ZNF609: variants seen among roughly 807,000 people sequenced by gnomAD.
ZNF609 encodes zinc finger protein 609.
A neutral mutation model predicts 109.5 loss-of-function variants in ZNF609; 11 were observed. The ratio of observed to expected loss-of-function variants is 0.10; its 90% CI spans 0.06 to 0.17. The LOEUF (loss-of-function observed/expected upper bound fraction) is 0.17. Ranked by LOEUF, ZNF609 falls within the 10% of genes least tolerant of loss-of-function variation. The probability of loss-of-function intolerance (pLI) is 1.00; values close to 1 mark genes in which losing one functional copy is unlikely to be tolerated. For missense variants in ZNF609, 1,559 were observed against 1,772.4 expected, an observed-to-expected ratio of 0.88 and a Z score of 2.16; for synonymous variants, 646 against 662.0, an observed-to-expected ratio of 0.98 and a Z score of 0.37.
intron 2 of ZNF609, chr15:64,502,434 G>T (rs1285726870): frequency 6.6e-6 from 1 of 152,110 alleles, no homozygotes; most frequent in Non-Finnish European, 1.5e-5. Flanking sequence ...GCAGAGGAGC[G>T]GTTTTTGAGA....
chr15:64,472,662 C>A (rs768955587), intron 1 of ZNF609, among the ~76,000 whole-genome samples: 8 of 152,046 alleles, frequency 5.3e-5, no homozygotes, highest in African/African-American at 1.9e-4. Flanking sequence ...CCCAGGAGTT[C>A]AAGGCCAACC....
Position 64,680,734 on chromosome 15 carries a change from G to A in ZNF609, c.4034G>A (p.Ser1345Asn). Residue 1345 changes from serine (S) to asparagine (N), a missense_variant, in exon 8 of 10, where the codon AGT (serine) becomes AAT (asparagine). Ser to Asn is a conservative substitution (Grantham distance 46, BLOSUM62 1). Coordinates refer to ENST00000326648, the MANE Select transcript of ZNF609 (RefSeq NM_015042.2). Reference protein sequence around the residue: ...GGSCSSVGGASGGERSVDRPR... With the variant: ...GGSCSSVGGANGGERSVDRPR... ...AGCTGTAGCAGCGTCGGGGGAGCAA[G>A]TGGGGGTGAACGGAGTGTTGACCGG... is the stretch of plus-strand genomic sequence containing the variant. 1.2e-6 allele frequency: 2 copies of A among 1,613,556 alleles called. No individual in the cohort carries two copies. The highest frequency in any genetic ancestry group is 1.7e-6 in the Non-Finnish European group (2 of 1,179,988).
At chr15:64,582,182 T>G (rs1430537486) in intron 2 of ZNF609, among the ~76,000 whole-genome samples, 1 of 152,202 alleles carries the variant, frequency 6.6e-6, no homozygotes, top group Non-Finnish European at 1.5e-5. Context: ...ATAGCCTTAC[T>G]CCTTCATTTA....
chr15:64,635,329 C>A (rs1896157630), intron 3 of ZNF609, among the ~76,000 whole-genome samples: 1 of 152,172 alleles, frequency 6.6e-6, no homozygotes, highest in African/African-American at 2.4e-5. Flanking sequence ...AAATATCTTA[C>A]TGGTATTGCC....
intron 2 of ZNF609, among the ~76,000 whole-genome samples, chr15:64,532,113 G>A (rs1894071669): frequency 6.6e-6 from 1 of 151,996 alleles, no homozygotes; most frequent in Non-Finnish European, 1.5e-5. Flanking sequence ...CTTGCCTTAG[G>A]TCTCTTACAT....
intron 2 of ZNF609, among the ~76,000 whole-genome samples, chr15:64,536,735 A>AC (rs1567008026): frequency 2.3e-5 from 3 of 131,592 alleles, no homozygotes; most frequent in African/African-American, 8.8e-5. Context: ...CCCCCCCCCC[A>AC]AAAAAAAAAT....
intron 2 of ZNF609, among the ~76,000 whole-genome samples, chr15:64,593,565 C>T (rs1014159808): frequency 5.3e-5 from 8 of 152,248 alleles, no homozygotes; most frequent in African/African-American, 1.7e-4. Flanking sequence ...CTTGTTCTCT[C>T]GCCCAGGCTG....
At chr15:64,507,761 G>A (rs559242510) in intron 2 of ZNF609, among the ~76,000 whole-genome samples, 1 of 152,300 alleles carries the variant, frequency 6.6e-6, no homozygotes, top group Non-Finnish European at 1.5e-5. Flanking sequence ...AAGCTGTGGA[G>A]GAGGACCATT....
At chr15:64,613,527 A>C (rs1209369832) in intron 2 of ZNF609, among the ~76,000 whole-genome samples, 1 of 152,170 alleles carries the variant, frequency 6.6e-6, no homozygotes, top group African/African-American at 2.4e-5. Flanking sequence ...TTTTCAGAAT[A>C]AGCAAAAATC....
intron 2 of ZNF609, among the ~76,000 whole-genome samples, chr15:64,525,922 G>A (rs968705439): frequency 6.6e-6 from 1 of 151,664 alleles, no homozygotes; most frequent in East Asian, 1.9e-4. Flanking sequence ...CCAAATAACT[G>A]GGACTACAGG....
chr15:64,486,048 A>G (rs559335417), intron 1 of ZNF609, among the ~76,000 whole-genome samples: 1 of 152,210 alleles, frequency 6.6e-6, no homozygotes, highest in Non-Finnish European at 1.5e-5. Context: ...CCATCACCAC[A>G]AATGTCCCTC....
chr15:64,681,395 ACTTTTATTAATTTGGGGCAACACATAAAG>A lies in ZNF609; in HGVS notation c.*5+10_*5+38del, dbSNP rs775687999. 1.2e-6 allele frequency: 2 copies of A among 1,612,274 alleles called. No individual in the cohort carries two copies. The highest frequency in any genetic ancestry group is 1.7e-6 in the Non-Finnish European group (2 of 1,178,554). On this transcript the variant is annotated intron_variant, in intron 9 of 9. Coordinates refer to ENST00000326648, the MANE Select transcript of ZNF609 (RefSeq NM_015042.2). Reference sequence around the variant, plus strand: ...CCCCAGGAGGTGAGAATGGTAAGTCACTTTTATTAATTTGGGGCAACACATAAAGCCGGGATAGTTGCTACCTGGATCAC... The same window carrying A: ...CCCCAGGAGGTGAGAATGGTAAGTCACCGGGATAGTTGCTACCTGGATCAC...
At chr15:64,479,951 T>C (rs1296730268) in intron 1 of ZNF609, among the ~76,000 whole-genome samples, 1 of 150,176 alleles carries the variant, frequency 6.7e-6, no homozygotes, top group Non-Finnish European at 1.5e-5. Flanking sequence ...GAAAGTGTTA[T>C]TGGCCAGGAG....
Position 64,499,595 on chromosome 15 carries a change from T to C in ZNF609, c.176T>C (p.Ile59Thr). The change falls in exon 2 of 10, where the codon ATA (isoleucine) becomes ACA (threonine). Residue 59 changes from isoleucine to threonine, a missense_variant. Ile to Thr is a moderately conservative substitution (Grantham distance 89). Coordinates refer to ENST00000326648, the MANE Select transcript of ZNF609 (RefSeq NM_015042.2). Reference protein sequence around the residue: ...LEMSGSKEVGIPAPNAVATLP... With the variant: ...LEMSGSKEVGTPAPNAVATLP... ...ATGTCAGGCTCAAAGGAGGTGGGGA[T>C]ACCGGCTCCCAATGCTGTGGCCACA... The C allele has an allele frequency of 8.7e-6, 14 of 1,614,180 alleles. No individual in the cohort carries two copies. Among genetic ancestry groups the C allele is most frequent in the Non-Finnish European group, 1.1e-5 (13 of 1,180,020 alleles).
intron 2 of ZNF609, among the ~76,000 whole-genome samples, chr15:64,569,795 T>C (rs148520248): frequency 1.3e-5 from 2 of 152,378 alleles, no homozygotes; most frequent in African/African-American, 4.8e-5. Flanking sequence ...GTGTGTATCA[T>C]TGAGAGCCAA....
intron 3 of ZNF609, among the ~76,000 whole-genome samples, chr15:64,634,078 ATGTG>A (rs894521951): frequency 9.2e-5 from 14 of 151,532 alleles, no homozygotes; most frequent in African/African-American, 3.2e-4. Flanking sequence ...GCATATATAT[ATGTG>A]TGTGTGTGTG....
intron 2 of ZNF609, among the ~76,000 whole-genome samples, chr15:64,524,425 G>T (rs941138679): frequency 6.6e-6 from 1 of 152,128 alleles, no homozygotes; most frequent in Non-Finnish European, 1.5e-5. Context: ...TTAGCTGGGC[G>T]TGGTGGCACA....
intron 2 of ZNF609, among the ~76,000 whole-genome samples, chr15:64,579,003 G>GA (rs1392059659): frequency 4.6e-5 from 7 of 151,902 alleles, no homozygotes; most frequent in African/African-American, 7.2e-5. Flanking sequence ...ACTTGTCTCA[G>GA]AAAAAACAAC....
In ZNF609 at chr15:64,675,185, A is replaced by T. The variant is rs139033982; in HGVS notation, c.2331A>T (p.Ser777=). ...GMKMEGLLNG[S]SDPHQSRLAS... is the part of the protein sequence containing the mutation. ...AAATGGAGGGGCTCCTAAATGGCTC[A>T]TCAGACCCCCACCAAAGCCGACTGG... Residue 777 remains serine, a synonymous_variant, in exon 5 of 10, where the codon TCA becomes TCT. Coordinates refer to ENST00000326648, the MANE Select transcript of ZNF609 (RefSeq NM_015042.2). 7 of 1,614,016 alleles carry T rather than the reference A, an allele frequency of 4.3e-6. No homozygotes were observed. In the African/African-American group the frequency reaches 9.3e-5, roughly 22 times the overall value.
Sources: allele counts gnomAD v4.1 joint callset (sites outside exome capture counted in the v4.1 genomes callset), GRCh38; gene constraint gnomAD v4.1.1; transcripts MANE v1.5; gene names NCBI Gene and HGNC (gene_info 2026-07-23, HGNC 2026-07-21).